Variants in ADGRL3 observed in about 807,000 individuals in gnomAD.
ADGRL3 encodes adhesion G protein-coupled receptor L3.
In ADGRL3, 62 loss-of-function variants were observed where a neutral mutation model predicts 153.5. The observed-to-expected ratio is 0.40, with a 90% confidence interval of 0.33 to 0.50. The LOEUF (loss-of-function observed/expected upper bound fraction) is 0.50, where lower values mean the gene tolerates loss of function less well. Among genes scored for constraint, ADGRL3 ranks in the 20% least tolerant of loss-of-function variants. ADGRL3 has a pLI of 0.47. For missense variants in ADGRL3, 1,641 were observed against 1,859.4 expected (o/e 0.88, Z 2.16); for synonymous variants, 710 against 672.5 (o/e 1.06, Z -0.86).
chr4:61,578,671 T>C (rs1206071835), intron 4 of ADGRL3, among the ~76,000 whole-genome samples: 3 of 152,220 alleles, frequency 2.0e-5, no homozygotes, highest in Admixed American at 1.3e-4. Flanking sequence ...TCAGATTTTT[T>C]GCCTGAAGTA....
chr4:61,962,667 T>C (rs1241665105), intron 17 of ADGRL3, among the ~76,000 whole-genome samples: 4 of 152,178 alleles, frequency 2.6e-5, no homozygotes, highest in Admixed American at 2.6e-4. Context: ...TCCCATTGCA[T>C]CAAGATGTTC....
At chr4:61,744,585 G>C (rs946649585) in intron 8 of ADGRL3, among the ~76,000 whole-genome samples, 1 of 152,226 alleles carries the variant, frequency 6.6e-6, no homozygotes, top group Admixed American at 6.5e-5. Context: ...AGCCACCGCT[G>C]CTGGTACCCA....
chr4:61,358,794 T>A (rs2096236606), intron 1 of ADGRL3, among the ~76,000 whole-genome samples: 1 of 152,084 alleles, frequency 6.6e-6, no homozygotes. Flanking sequence ...TTCTTGTGTT[T>A]TCTATATTCA....
Position 61,871,078 on chromosome 4 carries a change from A to C in ADGRL3, c.1481-21578A>C, listed in dbSNP as rs371152612. Among the ~76,000 whole-genome samples the C allele has an allele frequency of 3.8e-3, 582 of 152,150 alleles. 3 individuals carry two copies. Among genetic ancestry groups the C allele is most frequent in the Non-Finnish European group, 5.6e-3 (380 of 68,016 alleles). ...CGAATCACGAGGTCAGGAGATCGAGACCATCCTGGCTAACACGGTGAAACC... is the reference window on the plus strand; with the variant it reads ...CGAATCACGAGGTCAGGAGATCGAGCCCATCCTGGCTAACACGGTGAAACC... On this transcript the variant is annotated intron_variant, in intron 9 of 26. Transcript: ENST00000683033.
intron 8 of ADGRL3, among the ~76,000 whole-genome samples, chr4:61,756,033 T>C (rs985866897): frequency 1.5e-4 from 23 of 152,166 alleles, no homozygotes; most frequent in African/African-American, 5.3e-4. Context: ...CCTTGTAGTA[T>C]AGTTTGAAGT....
At chr4:61,989,463 A>G (rs1267369790) in intron 19 of ADGRL3, among the ~76,000 whole-genome samples, 1 of 152,088 alleles carries the variant, frequency 6.6e-6, no homozygotes. Context: ...TATGAAGGTC[A>G]TCATTCAATA....
intron 2 of ADGRL3, among the ~76,000 whole-genome samples, chr4:61,409,749 C>T (rs2097060589): frequency 6.6e-6 from 1 of 151,766 alleles, no homozygotes; most frequent in South Asian, 2.1e-4. Context: ...TTTATTATTA[C>T]AATAAAATTG....
chr4:61,997,535 G>GT (rs1245239117), intron 20 of ADGRL3, among the ~76,000 whole-genome samples: 4 of 152,042 alleles, frequency 2.6e-5, no homozygotes, highest in Admixed American at 2.0e-4. Context: ...TCACTATGTG[G>GT]TTTTTTTATA....
Position 62,070,856 on chromosome 4 carries a change from C to A in ADGRL3, c.4580C>A (p.Thr1527Asn). Reference protein sequence around the residue: ...GFIVPPNKDGTPPEGSSKGPA... With the variant: ...GFIVPPNKDGNPPEGSSKGPA... ...ATAGTTCCTCCAAACAAAGATGGGA[C>A]CCCTCCCGAGGGAAGTTCAAAAGGA... The change falls in exon 27 of 27, where the codon ACC becomes AAC. Residue 1527 changes from threonine (T) to asparagine (N), a missense_variant. By Grantham distance (65) the Thr-to-Asn change is moderately conservative (BLOSUM62 0). Transcript: ENST00000683033. 1 of 1,551,652 alleles carries A rather than the reference C, an allele frequency of 6.4e-7. No homozygotes were observed. Among genetic ancestry groups the A allele is most frequent in the Non-Finnish European group, 8.7e-7 (1 of 1,146,944 alleles).
intron 5 of ADGRL3, among the ~76,000 whole-genome samples, chr4:61,599,909 T>C (rs1469346102): frequency 6.6e-6 from 1 of 152,212 alleles, no homozygotes; most frequent in Admixed American, 6.5e-5. Context: ...TCTGAACTAG[T>C]TCATTTGGAA....
At chr4:61,590,488 T>G (rs906107518) in intron 5 of ADGRL3, among the ~76,000 whole-genome samples, 1 of 152,116 alleles carries the variant, frequency 6.6e-6, no homozygotes, top group African/African-American at 2.4e-5. Context: ...AGGTTTCATG[T>G]TATTCTTAAC....
chr4:61,751,808 G>T (rs759823280), intron 8 of ADGRL3, among the ~76,000 whole-genome samples: 4 of 152,096 alleles, frequency 2.6e-5, no homozygotes, highest in Non-Finnish European at 5.9e-5. Context: ...ACACTCTCAT[G>T]CTTATATCTA....
chr4:61,473,173 G>A (rs894282660), intron 2 of ADGRL3, among the ~76,000 whole-genome samples: 9 of 150,276 alleles, frequency 6.0e-5, no homozygotes, highest in East Asian at 4.0e-4. Flanking sequence ...TGAGAATTTC[G>A]GCAGTGAAAG....
intron 5 of ADGRL3, among the ~76,000 whole-genome samples, chr4:61,651,227 T>A (rs1027569605): frequency 1.3e-5 from 2 of 152,174 alleles, no homozygotes; most frequent in African/African-American, 4.8e-5. Context: ...ATTTTTGGGA[T>A]CATATTGCAA....
intron 6 of ADGRL3, among the ~76,000 whole-genome samples, chr4:61,681,094 T>C (rs2095325072): frequency 6.6e-6 from 1 of 152,108 alleles, no homozygotes; most frequent in Non-Finnish European, 1.5e-5. Context: ...ACGTTTTTGT[T>C]CTTCCATCTT....
At chr4:61,474,007 G>T (rs1311421176) in intron 2 of ADGRL3, among the ~76,000 whole-genome samples, 1 of 151,988 alleles carries the variant, frequency 6.6e-6, no homozygotes, top group Non-Finnish European at 1.5e-5. Context: ...TTGAGGGATC[G>T]TCAGGAAAAT....
chr4:61,767,576 A>G (rs1411986120), intron 8 of ADGRL3, among the ~76,000 whole-genome samples: 1 of 151,894 alleles, frequency 6.6e-6, no homozygotes, highest in Non-Finnish European at 1.5e-5. Flanking sequence ...CCGGTAAGCC[A>G]AGAAGGAGTC....
At chr4:61,541,665 G>A (rs1366943544) in intron 4 of ADGRL3, among the ~76,000 whole-genome samples, 6 of 151,992 alleles carry the variant, frequency 3.9e-5, no homozygotes, top group Admixed American at 2.6e-4. Flanking sequence ...GCAATTCCTC[G>A]CTACATTTCC....
At chr4:61,852,424 C>T (rs183624579) in intron 9 of ADGRL3, among the ~76,000 whole-genome samples, 9 of 152,164 alleles carry the variant, frequency 5.9e-5, no homozygotes, top group African/African-American at 1.9e-4. Flanking sequence ...AAGCCATTCT[C>T]GTGCCTCAGC....
Sources: gnomAD v4.1 joint callset for allele counts (sites outside exome capture counted in the v4.1 genomes callset) on GRCh38, gnomAD v4.1.1 for gene constraint, MANE v1.5 for transcripts, NCBI Gene and HGNC (gene_info 2026-07-23, HGNC 2026-07-21) for gene names.